The following SH3D19 variants were observed in gnomAD, a reference collection of about 807,000 sequenced individuals.
SH3D19 encodes SH3 domain containing 19, also known as SH3 domain-containing protein 19.
In SH3D19, 58 loss-of-function variants were observed where a neutral mutation model predicts 112.1. The ratio of observed to expected loss-of-function variants is 0.52; its 90% CI spans 0.42 to 0.64. The LOEUF (loss-of-function observed/expected upper bound fraction) is 0.64. SH3D19 is among the 30% of genes least tolerant of loss of function. SH3D19 has a pLI of 0.00. For missense variants in SH3D19, 1,090 were observed against 1,263.4 expected, an observed-to-expected ratio of 0.86 and a Z score of 2.08; for synonymous variants, 391 against 448.5, an observed-to-expected ratio of 0.87 and a Z score of 1.62.
chr4:151,168,182 AGAAGTATATTGAAAAAG>A (rs1184852190), intron 7 of SH3D19, among the ~76,000 whole-genome samples: 10 of 4,898 alleles, frequency 2.0e-3, no homozygotes, highest in African/African-American at 2.7e-3. Context: ...TTAGAAGGTG[AGAAGTATATTGAAAAAG>A]GTGAGAAGTA....
At chr4:151,247,686 C>T (rs1771040827) in intron 1 of SH3D19, among the ~76,000 whole-genome samples, 1 of 152,188 alleles carries the variant, frequency 6.6e-6, no homozygotes. Flanking sequence ...CCAGCTCCTC[C>T]ATTTTAATAG....
chr4:151,201,582 A>C (rs1266140829), intron 2 of SH3D19, among the ~76,000 whole-genome samples: 1 of 152,234 alleles, frequency 6.6e-6, no homozygotes, highest in Non-Finnish European at 1.5e-5. Flanking sequence ...TTTAATACAG[A>C]TTAGAAAATG....
chr4:151,230,729 T>C (rs974809494), intron 1 of SH3D19, among the ~76,000 whole-genome samples: 7 of 151,802 alleles, frequency 4.6e-5, no homozygotes, highest in Admixed American at 1.3e-4. Flanking sequence ...TACAGGTGCA[T>C]GCCACCATGC....
In SH3D19 at chr4:151,193,268, TTG is replaced by T. The variant is rs1491259271; in HGVS notation, c.153-5807_153-5806del. Among the ~76,000 whole-genome samples, 82 of 150,344 alleles carry T rather than the reference TTG, an allele frequency of 5.5e-4. 1 individual carries two copies. The highest frequency in any genetic ancestry group is 1.9e-3 in the African/African-American group (75 of 40,048). The stretch of plus-strand genomic sequence containing the variant: ...GTCTGGTCTAATGTTTAAAATAGGT[TTG>T]TTTTTTTTTTTAAATATAAAAAGTC... On this transcript the variant is annotated intron_variant, in intron 2 of 19. Transcript: ENST00000604030.
chr4:151,181,323 G>C (rs891703989), intron 3 of SH3D19, among the ~76,000 whole-genome samples: 20 of 152,132 alleles, frequency 1.3e-4, no homozygotes, highest in African/African-American at 4.6e-4. Flanking sequence ...AACTAGGGGA[G>C]GCAGGGGTGG....
chr4:151,244,946 C>T (rs906786565), intron 1 of SH3D19, among the ~76,000 whole-genome samples: 3 of 152,040 alleles, frequency 2.0e-5, no homozygotes, highest in African/African-American at 7.3e-5. Flanking sequence ...GATAAGAGAC[C>T]ATCCTGGCTA....
At chr4:151,192,963 T>C (rs56360460) in intron 2 of SH3D19, among the ~76,000 whole-genome samples, 2,263 of 151,632 alleles carry the variant, frequency 0.015, 15 homozygotes, top group Non-Finnish European at 0.022. Context: ...AATTCTTCTT[T>C]TTTTTTTTTT....
chr4:151,299,655 C>T (rs1728154115), intron 1 of SH3D19, among the ~76,000 whole-genome samples: 1 of 151,284 alleles, frequency 6.6e-6, no homozygotes, highest in South Asian at 2.1e-4. Flanking sequence ...GACAAATCTC[C>T]TATTCCCTTA....
intron 2 of SH3D19, among the ~76,000 whole-genome samples, chr4:151,198,388 A>G (rs957568502): frequency 3.5e-5 from 5 of 144,668 alleles, no homozygotes; most frequent in African/African-American, 1.0e-4. Context: ...TATATAATAT[A>G]TAATATATAT....
At chr4:151,315,179 T>C (rs1168521459) in intron 1 of SH3D19, among the ~76,000 whole-genome samples, 1 of 152,192 alleles carries the variant, frequency 6.6e-6, no homozygotes, top group Non-Finnish European at 1.5e-5. Context: ...TCACCCTTTC[T>C]AGGCCTCAGG....
At chr4:151,195,347 G>C (rs1038024714) in intron 2 of SH3D19, among the ~76,000 whole-genome samples, 3 of 125,034 alleles carry the variant, frequency 2.4e-5, no homozygotes, top group Non-Finnish European at 3.2e-5. Context: ...ACTCCAGCCT[G>C]GTGGACAGAG....
At chr4:151,169,288 C>G (rs1229814098) in intron 7 of SH3D19, among the ~76,000 whole-genome samples, 5 of 151,958 alleles carry the variant, frequency 3.3e-5, no homozygotes, top group Non-Finnish European at 5.9e-5. Flanking sequence ...ATACATGTCT[C>G]CGGGAAAAAA....
chr4:151,263,674 T>C (rs1370570981), intron 1 of SH3D19, among the ~76,000 whole-genome samples: 1 of 152,236 alleles, frequency 6.6e-6, no homozygotes, highest in Admixed American at 6.5e-5. Context: ...CTCACTCATG[T>C]GCCTGTTACC....
intron 2 of SH3D19, among the ~76,000 whole-genome samples, chr4:151,205,944 T>G (rs1765041240): frequency 6.6e-6 from 1 of 151,894 alleles, no homozygotes; most frequent in Non-Finnish European, 1.5e-5. Context: ...AGGGCCAGAG[T>G]TCTTTGCTAC....
chr4:151,263,365 G>A (rs888846193), intron 1 of SH3D19, among the ~76,000 whole-genome samples: 2 of 152,068 alleles, frequency 1.3e-5, no homozygotes, highest in African/African-American at 4.8e-5. Flanking sequence ...TCCAACCCTG[G>A]GATTAGACTG....
chr4:151,187,427 CT>C lies in SH3D19; in HGVS notation c.188del (p.Lys63ArgfsTer29). ...AGAAGGAAAAAACAAACTTACATCT[CT>C]TGATTACCGCTCTAATGGATGACAA... ...GPLSSIRAVI[K>X]RSSRTSIQSE... On this transcript the variant is annotated frameshift_variant, in exon 3 of 20. Transcript: ENST00000604030. LOFTEE classifies it high-confidence loss of function. 1 of 1,228,318 alleles carries C rather than the reference CT, an allele frequency of 8.1e-7. No homozygotes were observed. The allele number at this position is 1,228,318 out of a possible 1,614,324, so 76.1% of individuals were successfully genotyped here.
chr4:151,128,374 G>T lies in SH3D19; in HGVS notation c.2743-18C>A. 6.2e-7 allele frequency: 1 copy of T among 1,603,496 alleles called. No homozygotes were observed. On this transcript the variant is annotated intron_variant, in intron 17 of 19. Coordinates refer to ENST00000604030, the MANE Select transcript of SH3D19 (RefSeq NM_001378122.1). The stretch of plus-strand genomic sequence containing the variant: ...CTGTTAACCTGTTATCAAATTAGAG[G>T]TGTGGTCAGAAGTGTAAGATTTTAT...
Position 151,307,318 on chromosome 4 carries a change from G to A in SH3D19, c.112+17923C>T, listed in dbSNP as rs562422233. Among the ~76,000 whole-genome samples, 345 of 152,254 alleles carry A rather than the reference G, an allele frequency of 2.3e-3. 3 individuals are homozygous for A. The highest frequency in any genetic ancestry group is 7.7e-3 in the African/African-American group (319 of 41,546). ...ATTACAGGCGTGAGCCACTGCGCCC[G>A]GCCCCTAATGATGACTTCTATCTTT... is the stretch of plus-strand genomic sequence containing the variant. On this transcript the variant is annotated intron_variant, in intron 1 of 19. Transcript: ENST00000604030.
chr4:151,281,125 GCAGC>G (rs58083458), intron 1 of SH3D19, among the ~76,000 whole-genome samples: 54,585 of 151,794 alleles, frequency 0.36, 10,752 homozygotes, highest in Middle Eastern at 0.44. Flanking sequence ...TGGCTGTGCA[GCAGC>G]CCAGATTAGA....
Sources: allele counts gnomAD v4.1 joint callset (sites outside exome capture counted in the v4.1 genomes callset), GRCh38; gene constraint gnomAD v4.1.1; transcripts MANE v1.5; gene names NCBI Gene and HGNC (gene_info 2026-07-23, HGNC 2026-07-21).